Variants in ANKRD17 observed in about 807,000 individuals in gnomAD.
ANKRD17 encodes the protein ankyrin repeat domain-containing protein 17.
ANKRD17 carries 19 observed loss-of-function variants against 229.7 expected under a neutral mutation model. The observed-to-expected ratio is 0.08, with a 90% confidence interval of 0.06 to 0.12. The LOEUF is 0.12. Ranked by LOEUF, ANKRD17 falls within the 10% of genes least tolerant of loss-of-function variation. ANKRD17 has a pLI of 1.00. For synonymous variants in ANKRD17, 1,112 were observed against 1,146.1 expected, an observed-to-expected ratio of 0.97 and a Z score of 0.60; for missense variants, 2,176 against 3,176.8, an observed-to-expected ratio of 0.68 and a Z score of 7.57.
intron 2 of ANKRD17, among the ~76,000 whole-genome samples, chr4:73,163,399 G>A (rs1169769159): frequency 6.6e-6 from 1 of 152,182 alleles, no homozygotes; most frequent in Non-Finnish European, 1.5e-5. Context: ...CAGAAATGCA[G>A]AATCTCAGGC....
intron 7 of ANKRD17, among the ~76,000 whole-genome samples, chr4:73,150,438 G>A (rs1420728803): frequency 2.0e-5 from 3 of 152,010 alleles, no homozygotes; most frequent in East Asian, 1.9e-4. Flanking sequence ...TACTATTAAT[G>A]TGTTTTATGC....
rs569809475 is a variant in ANKRD17 at position 73,127,636 on chromosome 4, T to TA, written c.3235-2325dup. 5.8e-4 allele frequency among the ~76,000 whole-genome samples: 89 copies of TA among 152,272 alleles called. No individual in the cohort carries two copies. In the South Asian group the frequency reaches 0.016, roughly 27 times the overall value. On this transcript the variant is annotated intron_variant, in intron 16 of 33. Transcript: ENST00000358602. ...TATCCATGTTTGTATTTTCTACCTG[T>TA]AGTGATAAATTACTTAGGAAATAAT...
chr4:73,134,435 T>C (rs977273839), intron 16 of ANKRD17, among the ~76,000 whole-genome samples: 1 of 152,226 alleles, frequency 6.6e-6, no homozygotes, highest in Non-Finnish European at 1.5e-5. Flanking sequence ...TCTTCTAAAC[T>C]AGACCTCTTA....
At chr4:73,083,950 A>AC (rs375811133) in intron 30 of ANKRD17, among the ~76,000 whole-genome samples, 8 of 151,998 alleles carry the variant, frequency 5.3e-5, no homozygotes, top group African/African-American at 1.9e-4. Flanking sequence ...AACAAAACAA[A>AC]AAAAAAAAAA....
chr4:73,250,988 G>A (rs778039893), intron 1 of ANKRD17, among the ~76,000 whole-genome samples: 1 of 151,934 alleles, frequency 6.6e-6, no homozygotes, highest in Non-Finnish European at 1.5e-5. Flanking sequence ...CTAACCCCAG[G>A]CTGGATGCAG....
At chr4:73,089,409 A>G (rs1357698795) in intron 29 of ANKRD17, among the ~76,000 whole-genome samples, 1 of 152,206 alleles carries the variant, frequency 6.6e-6, no homozygotes, top group Non-Finnish European at 1.5e-5. Context: ...AATTTGGCCC[A>G]TAGACCATAG....
chr4:73,231,797 G>A (rs148381453), intron 1 of ANKRD17, among the ~76,000 whole-genome samples: 59 of 152,250 alleles, frequency 3.9e-4, no homozygotes, highest in South Asian at 6.2e-4. Flanking sequence ...AAAAAGGGGA[G>A]AATAAAAGTG....
Position 73,209,160 on chromosome 4 carries a change from C to T in ANKRD17, c.394-31627G>A, listed in dbSNP as rs540937475. 3.9e-5 allele frequency among the ~76,000 whole-genome samples: 6 copies of T among 152,194 alleles called. No homozygotes were observed. The East Asian group carries it at 1.2e-3, about 29-fold the overall frequency. On this transcript the variant is annotated intron_variant, in intron 1 of 33. Coordinates refer to ENST00000358602, the MANE Select transcript of ANKRD17 (RefSeq NM_032217.5). ...GGTGGAGGTTGTAGTGAGCCAAGAT[C>T]GTGCCACTGCACTCCAGTCTGGGTG...
intron 20 of ANKRD17, 98 bp downstream of exon 20, chr4:73,120,780 ATGT>A: frequency 1.0e-6 from 1 of 960,634 alleles, no homozygotes; most frequent in Non-Finnish European, 1.5e-6. Flanking sequence ...TAGGAGATAA[ATGT>A]TACTAGAAAG....
chr4:73,076,278 G>C lies in ANKRD17; in HGVS notation c.7765C>G (p.Pro2589Ala), dbSNP rs144043898. The C allele has an allele frequency of 1.3e-3, 2,095 of 1,609,220 alleles. 2 individuals carry two copies. Among genetic ancestry groups the C allele is most frequent in the Non-Finnish European group, 1.7e-3 (1,968 of 1,177,722 alleles). ...NNGPQTVWTGPWAPHMNSVHM... is the reference protein window; with the variant it reads ...NNGPQTVWTGAWAPHMNSVHM... ...ACACTGTTCATGTGAGGTGCCCAGGGTCCAGTCCACACCTATGAATATAGA... is the reference window on the plus strand; with the variant it reads ...ACACTGTTCATGTGAGGTGCCCAGGCTCCAGTCCACACCTATGAATATAGA... Residue 2589 changes from proline (P) to alanine (A), a missense_variant, in exon 34 of 34, where the codon CCC becomes GCC. Physicochemically the swap from Pro to Ala is conservative, Grantham distance 27 (BLOSUM62 -1). Transcript: ENST00000358602.
At chr4:73,165,657 A>C (rs1165973871) in intron 2 of ANKRD17, among the ~76,000 whole-genome samples, 1 of 152,212 alleles carries the variant, frequency 6.6e-6, no homozygotes, top group Non-Finnish European at 1.5e-5. Flanking sequence ...TTGTTGACCT[A>C]AAGACAGCGA....
chr4:73,181,719 A>G (rs1431822071), intron 1 of ANKRD17, among the ~76,000 whole-genome samples: 1 of 152,110 alleles, frequency 6.6e-6, no homozygotes, highest in Non-Finnish European at 1.5e-5. Flanking sequence ...TCTGGAACAT[A>G]ACAAACATTA....
intron 16 of ANKRD17, among the ~76,000 whole-genome samples, chr4:73,134,562 GCTTAA>G (rs1728644095): frequency 6.6e-6 from 1 of 152,108 alleles, no homozygotes; most frequent in Middle Eastern, 3.4e-3. Flanking sequence ...ACTTTCTAAA[GCTTAA>G]CTTAAACAGT....
At position 73,120,975 on chromosome 4, in the gene ANKRD17, C is replaced by T; in HGVS notation, c.3755G>A (p.Arg1252Gln). ...GCAGGCTAAAGTAAGGGCAGTGTTC[C>T]GATTGGTTTCTATCTGAGCATTTAT... ...SDINAQIETN[R>Q]NTALTLACFQ... The change falls in exon 20 of 34, where the codon CGG (arginine) becomes CAG (glutamine). Residue 1252 changes from arginine (R) to glutamine (Q), a missense_variant. Around this residue, in one of 18 missense-constraint regions of ANKRD17, gnomAD observed 178 missense variants for 421.7 expected, o/e 0.42. Transcript: ENST00000358602. 1 of 1,613,596 alleles carries T rather than the reference C, an allele frequency of 6.2e-7. No individual in the cohort carries two copies. The highest frequency in any genetic ancestry group is 2.2e-5 in the East Asian group (1 of 44,790).
At chr4:73,124,122 G>C (rs549298618) in intron 18 of ANKRD17, among the ~76,000 whole-genome samples, 1 of 151,654 alleles carries the variant, frequency 6.6e-6, no homozygotes, top group Non-Finnish European at 1.5e-5. Context: ...TGATAAATAG[G>C]AAAACCTTAT....
intron 2 of ANKRD17, among the ~76,000 whole-genome samples, chr4:73,172,867 T>C (rs911799851): frequency 5.9e-5 from 9 of 151,732 alleles, no homozygotes; most frequent in Non-Finnish European, 4.4e-5. Context: ...AGAAAATCAC[T>C]TTCACTGAAA....
chr4:73,245,470 C>G (rs1744412002), intron 1 of ANKRD17, among the ~76,000 whole-genome samples: 1 of 152,142 alleles, frequency 6.6e-6, no homozygotes, highest in Admixed American at 6.5e-5. Context: ...TACAATTGTT[C>G]TCTCTTCGCT....
intron 27 of ANKRD17, among the ~76,000 whole-genome samples, chr4:73,096,477 T>C (rs967014862): frequency 2.0e-5 from 3 of 152,186 alleles, no homozygotes; most frequent in African/African-American, 7.2e-5. Flanking sequence ...ATACTGCACT[T>C]AGGGATTAAC....
intron 25 of ANKRD17, among the ~76,000 whole-genome samples, chr4:73,099,542 T>G (rs1723709004): frequency 6.6e-6 from 1 of 152,220 alleles, no homozygotes; most frequent in Non-Finnish European, 1.5e-5. Context: ...TCCCTCTGGC[T>G]TCCCATAGTG....
Sources: gnomAD v4.1 joint callset for allele counts (sites outside exome capture counted in the v4.1 genomes callset) on GRCh38, gnomAD v4.1.1 for gene constraint, gnomAD v4.1.1 regional missense constraint, MANE v1.5 for transcripts, NCBI Gene and HGNC (gene_info 2026-07-23, HGNC 2026-07-21) for gene names.